SULF2: variants seen among roughly 807,000 people sequenced by gnomAD.
The protein encoded by SULF2 is sulfatase 2.
SULF2 carries 52 observed loss-of-function variants against 107.7 expected under a neutral mutation model. The ratio of observed to expected loss-of-function variants is 0.48; its 90% confidence interval spans 0.39 to 0.61. The LOEUF is 0.61. Among genes scored for constraint, SULF2 ranks in the 20% least tolerant of loss-of-function variants. The pLI, the probability that SULF2 is intolerant of heterozygous loss-of-function variation, is 0.00. For missense variants in SULF2, 993 were observed against 1,177.3 expected (o/e 0.84, Z 2.29); for synonymous variants, 460 against 464.3 (o/e 0.99, Z 0.12).
intron 2 of SULF2, among the ~76,000 whole-genome samples, chr20:47,739,117 T>C (rs1404772091): frequency 6.6e-6 from 1 of 152,180 alleles, no homozygotes; most frequent in African/African-American, 2.4e-5. Flanking sequence ...AGCACAGCCA[T>C]GCTAACACCT....
intron 1 of SULF2, among the ~76,000 whole-genome samples, chr20:47,757,778 C>T (rs1200373506): frequency 6.6e-6 from 1 of 152,150 alleles, no homozygotes; most frequent in Non-Finnish European, 1.5e-5. Flanking sequence ...ATAATCCACC[C>T]AACTCCACAG....
At chr20:47,707,091 G>C (rs1162380515) in intron 3 of SULF2, among the ~76,000 whole-genome samples, 1 of 152,088 alleles carries the variant, frequency 6.6e-6, no homozygotes, top group East Asian at 1.9e-4. Context: ...CCAGGTTCAA[G>C]TAATTCTTGT....
intron 2 of SULF2, among the ~76,000 whole-genome samples, chr20:47,750,526 C>T (rs1248707715): frequency 3.3e-5 from 5 of 152,210 alleles, no homozygotes; most frequent in African/African-American, 4.8e-5. Flanking sequence ...TCATCTCATG[C>T]GTGGACTGTT....
chr20:47,676,438 C>G, intron 10 of SULF2, 56 bp downstream of exon 10: 1 of 1,579,276 alleles, frequency 6.3e-7, no homozygotes, highest in Non-Finnish European at 8.6e-7. Context: ...CCTCGCAGGT[C>G]AGGGCCGGCT....
chr20:47,679,202 A>G (rs958318629), intron 7 of SULF2, among the ~76,000 whole-genome samples: 1 of 152,038 alleles, frequency 6.6e-6, no homozygotes, highest in East Asian at 1.9e-4. Flanking sequence ...CAGCCCAGGC[A>G]CAGTGCAGCC....
Position 47,757,367 on chromosome 20 carries a change from CTT to C in SULF2, c.-6_-5del. The C allele has an allele frequency of 6.3e-7, 1 of 1,578,096 alleles. No individual in the cohort carries two copies. The stretch of plus-strand genomic sequence containing the variant: ...GCACGAGGCTCGGGGGGCCCATCTT[CTT>C]TTTTTGCTGATCTGGTGCTTCTTTT... On this transcript the variant is annotated 5_prime_UTR_variant, in exon 2 of 21. Coordinates refer to ENST00000688720, the MANE Select transcript of SULF2 (RefSeq NM_001387048.1).
intron 2 of SULF2, among the ~76,000 whole-genome samples, chr20:47,745,877 G>A (rs941798650): frequency 6.6e-6 from 1 of 152,106 alleles, no homozygotes; most frequent in African/African-American, 2.4e-5. Flanking sequence ...GTTAAAAAAC[G>A]GAGTCCCTCT....
chr20:47,768,882 GTTT>G (rs11473246), intron 1 of SULF2, among the ~76,000 whole-genome samples: 2 of 127,462 alleles, frequency 1.6e-5, no homozygotes. Flanking sequence ...TTGTGTGCGT[GTTT>G]TTTTTTTTTT....
rs1568772605 is a variant in SULF2 at position 47,659,736 on chromosome 20, T to A, written c.2495-6A>T. Reference sequence around the variant, plus strand: ...GCTTCCTCCATCTTTAAGTCCTAAATGAAGGAGAAATGAAAAACAAAACAG... The same window carrying A: ...GCTTCCTCCATCTTTAAGTCCTAAAAGAAGGAGAAATGAAAAACAAAACAG... On this transcript the variant is annotated splice_region_variant and splice_polypyrimidine_tract_variant and intron_variant, in intron 18 of 20. Coordinates refer to ENST00000688720, the MANE Select transcript of SULF2 (RefSeq NM_001387048.1). The A allele has an allele frequency of 1.2e-6, 2 of 1,612,144 alleles. No homozygotes were observed. The highest frequency in any genetic ancestry group is 1.7e-6 in the Non-Finnish European group (2 of 1,178,740).
chr20:47,750,201 C>T (rs930966751), intron 2 of SULF2, among the ~76,000 whole-genome samples: 7 of 152,120 alleles, frequency 4.6e-5, no homozygotes, highest in South Asian at 2.1e-4. Context: ...AGGATGGTCT[C>T]GATCTCCTGA....
intron 10 of SULF2, among the ~76,000 whole-genome samples, chr20:47,675,068 C>T (rs1424015926): frequency 6.6e-6 from 1 of 152,180 alleles, no homozygotes; most frequent in Non-Finnish European, 1.5e-5. Context: ...TTTCTTGGCC[C>T]CAGCAAAGAG....
chr20:47,759,113 C>T (rs1005462939), intron 1 of SULF2, among the ~76,000 whole-genome samples: 7 of 152,226 alleles, frequency 4.6e-5, no homozygotes, highest in African/African-American at 7.2e-5. Flanking sequence ...CACAGTGCCT[C>T]GTGCAGGTAC....
chr20:47,665,310 AGAG>A lies in SULF2; in HGVS notation c.1903-20_1903-18del, dbSNP rs2146405250. ...GGTTTCAATCTGAGGGAGGGGCAGAAGAGGAGGCCTTGAAACCTTCAAGGCTGG... is the reference window on the plus strand; with the variant it reads ...GGTTTCAATCTGAGGGAGGGGCAGAAGAGGCCTTGAAACCTTCAAGGCTGG... On this transcript the variant is annotated intron_variant, in intron 13 of 20. Coordinates refer to ENST00000688720, the MANE Select transcript of SULF2 (RefSeq NM_001387048.1). 1.3e-6 allele frequency: 2 copies of A among 1,537,078 alleles called. No homozygotes were observed. Among genetic ancestry groups the A allele is most frequent in the East Asian group, 2.2e-5 (1 of 44,528 alleles).
chr20:47,673,014 T>C (rs922125948), intron 10 of SULF2, among the ~76,000 whole-genome samples: 2 of 152,236 alleles, frequency 1.3e-5, no homozygotes, highest in Non-Finnish European at 2.9e-5. Flanking sequence ...CAGTGCAGTG[T>C]GTGCAGAGGC....
intron 3 of SULF2, among the ~76,000 whole-genome samples, chr20:47,724,235 C>T (rs1176352204): frequency 6.6e-6 from 1 of 152,220 alleles, no homozygotes; most frequent in African/African-American, 2.4e-5. Flanking sequence ...TTAAAAGTGT[C>T]CTCCGGCTGT....
chr20:47,748,801 G>C (rs1361745571), intron 2 of SULF2, among the ~76,000 whole-genome samples: 1 of 152,178 alleles, frequency 6.6e-6, no homozygotes, highest in Admixed American at 6.5e-5. Flanking sequence ...TGTGTCCCTG[G>C]GTTCCAGTAA....
chr20:47,763,547 C>G (rs72485824), intron 1 of SULF2, among the ~76,000 whole-genome samples: 6,806 of 152,170 alleles, frequency 0.045, 274 homozygotes, highest in Admixed American at 0.092. Context: ...GAAGGAGGCA[C>G]TGGTCAGATG....
intron 8 of SULF2, chr20:47,677,851 C>A (rs1355572222): frequency 6.6e-6 from 1 of 152,504 alleles, no homozygotes; most frequent in African/African-American, 2.4e-5. Context: ...AGGGGAGGAG[C>A]CTCAATGGAC....
chr20:47,781,735 CA>C (rs1392766720), intron 1 of SULF2, among the ~76,000 whole-genome samples: 2 of 152,126 alleles, frequency 1.3e-5, no homozygotes, highest in African/African-American at 4.8e-5. Flanking sequence ...CTATGATCAT[CA>C]TCATTTGTTG....
Sources: gnomAD v4.1 joint callset for allele counts (sites outside exome capture counted in the v4.1 genomes callset) on GRCh38, gnomAD v4.1.1 for gene constraint, MANE v1.5 for transcripts, NCBI Gene and HGNC (gene_info 2026-07-23, HGNC 2026-07-21) for gene names.